The following SNX13 variants were observed in gnomAD, a reference collection of about 807,000 sequenced individuals.
SNX13 encodes the protein sorting nexin 13, also known as sorting nexin-13.
In SNX13, 45 loss-of-function variants were observed where a neutral mutation model predicts 133.6. The observed-to-expected ratio is 0.34, with a 90% CI of 0.27 to 0.43. The LOEUF (loss-of-function observed/expected upper bound fraction) is 0.43. Among genes scored for constraint, SNX13 ranks in the 20% least tolerant of loss-of-function variants. The pLI, the probability that SNX13 is intolerant of heterozygous loss-of-function variation, is 1.00. For synonymous variants in SNX13, 414 were observed against 373.9 expected, an observed-to-expected ratio of 1.11 and a Z score of -1.24; for missense variants, 1,032 against 1,145.1, an observed-to-expected ratio of 0.90 and a Z score of 1.43.
chr7:17,863,966 T>A (rs1046913712), intron 9 of SNX13, among the ~76,000 whole-genome samples: 1 of 152,214 alleles, frequency 6.6e-6, no homozygotes, highest in Non-Finnish European at 1.5e-5. Flanking sequence ...TTCCTGGGCT[T>A]AGGGATCCCA....
chr7:17,901,808 C>A (rs959581332), intron 1 of SNX13, among the ~76,000 whole-genome samples: 1 of 152,126 alleles, frequency 6.6e-6, no homozygotes, highest in Non-Finnish European at 1.5e-5. Flanking sequence ...TATGAAGGTG[C>A]TTTATATGTG....
chr7:17,836,914 C>T lies in SNX13; in HGVS notation c.1360-2049G>A, dbSNP rs183575312. 2.1e-3 allele frequency among the ~76,000 whole-genome samples: 322 copies of T among 152,032 alleles called. 1 individual carries two copies. The highest frequency in any genetic ancestry group is 7.3e-3 in the African/African-American group (302 of 41,502). On this transcript the variant is annotated intron_variant, in intron 13 of 25. Transcript: ENST00000428135. ...CAAAAATAAATAATGACTTTTCTAT[C>T]GAGTCCATGATGCAGTAGGATATTT...
chr7:17,812,571 G>A (rs1786174775), intron 20 of SNX13, among the ~76,000 whole-genome samples: 1 of 152,202 alleles, frequency 6.6e-6, no homozygotes, highest in African/African-American at 2.4e-5. Context: ...TTCAACCACT[G>A]TGGAAGACAG....
intron 17 of SNX13, among the ~76,000 whole-genome samples, chr7:17,823,804 T>G (rs773317505): frequency 3.9e-5 from 6 of 151,988 alleles, no homozygotes; most frequent in Non-Finnish European, 8.8e-5. Context: ...GTGTCCAAGA[T>G]AGGTTTGGGA....
At chr7:17,816,356 C>T in intron 18 of SNX13, 67 bp from the exon 19 acceptor site, 1 of 1,478,922 alleles carries the variant, frequency 6.8e-7, no homozygotes, top group Non-Finnish European at 9.0e-7. Context: ...GTGATTATTT[C>T]TCTACATATT....
intron 20 of SNX13, among the ~76,000 whole-genome samples, chr7:17,806,181 T>G (rs75391969): frequency 0.01 from 1,522 of 147,396 alleles, 31 homozygotes; most frequent in African/African-American, 0.037. Flanking sequence ...AACTTAAATT[T>G]AGATCTCTAA....
chr7:17,890,283 T>TC (rs1405594710), intron 5 of SNX13, 80 bp downstream of exon 5: 17 of 1,325,108 alleles, frequency 1.3e-5, no homozygotes, highest in Admixed American at 2.4e-5. Flanking sequence ...AAACAATTCC[T>TC]CCCCTTAAAA....
intron 9 of SNX13, among the ~76,000 whole-genome samples, chr7:17,861,340 TCTCA>T (rs1210410851): frequency 5.2e-4 from 46 of 89,188 alleles, no homozygotes; most frequent in South Asian, 3.5e-3. Flanking sequence ...CATACAGTTA[TCTCA>T]CACACACACA....
chr7:17,828,824 T>C (rs1464761270), intron 16 of SNX13, among the ~76,000 whole-genome samples: 2 of 151,538 alleles, frequency 1.3e-5, no homozygotes, highest in South Asian at 2.1e-4. Flanking sequence ...TTTTTACTAG[T>C]GTTTAAACAT....
chr7:17,809,282 C>CAAAAAAA (rs535077123), intron 20 of SNX13, among the ~76,000 whole-genome samples: 15 of 49,278 alleles, frequency 3.0e-4, no homozygotes, highest in Admixed American at 6.5e-4. Flanking sequence ...AGATGGAAAG[C>CAAAAAAA]AAAAAAAAAA....
chr7:17,892,665 A>T (rs1334639218), intron 3 of SNX13, among the ~76,000 whole-genome samples: 6 of 152,114 alleles, frequency 3.9e-5, no homozygotes, highest in Non-Finnish European at 7.4e-5. Context: ...ATTTACTTCT[A>T]CATCTCCTGC....
At chr7:17,806,994 C>G (rs1785376887) in intron 20 of SNX13, among the ~76,000 whole-genome samples, 5 of 152,202 alleles carry the variant, frequency 3.3e-5, no homozygotes, top group Admixed American at 3.3e-4. Flanking sequence ...GCCTCCGCCA[C>G]CACGGGCCTG....
In SNX13 at chr7:17,801,469, C is replaced by T. The variant is rs1360265034; in HGVS notation, c.2298+119G>A. 3 of 711,758 alleles carry T rather than the reference C, an allele frequency of 4.2e-6. No individual in the cohort carries two copies. The East Asian group carries it at 8.6e-5, about 20-fold the overall frequency. The allele number at this position is 711,758 out of a possible 1,614,324, so 44.1% of individuals were successfully genotyped here. A position where few individuals can be genotyped will look rare whatever the true frequency, so the allele number is the denominator to read the frequency against. On this transcript the variant is annotated intron_variant, in intron 22 of 25. Coordinates refer to ENST00000428135, the MANE Select transcript of SNX13 (RefSeq NM_015132.5). ...GCATGTTCAGTTTGTAAGAATTCAT[C>T]AAGCTTAACACTTATAATATGTGCA...
At chr7:17,881,670 C>T (rs1795369854) in intron 5 of SNX13, 1 of 152,038 alleles carries the variant, frequency 6.6e-6, no homozygotes, top group Non-Finnish European at 1.5e-5. Context: ...AATTCCTTCT[C>T]CTGAGTCTCT....
chr7:17,888,313 T>C (rs1796242428), intron 5 of SNX13: 1 of 168,528 alleles, frequency 5.9e-6, no homozygotes, highest in South Asian at 1.5e-4. Flanking sequence ...GAAAAAACCT[T>C]GCTTTTTCAC....
At chr7:17,801,548 T>C (rs2128286687) in intron 22 of SNX13, 40 bp downstream of exon 22, 2 of 1,488,492 alleles carry the variant, frequency 1.3e-6, no homozygotes, top group Non-Finnish European at 1.8e-6. Context: ...ATGCCAAGTA[T>C]GACTTAAACT....
At chr7:17,826,971 C>G (rs1787979681) in intron 16 of SNX13, among the ~76,000 whole-genome samples, 1 of 152,028 alleles carries the variant, frequency 6.6e-6, no homozygotes, top group Non-Finnish European at 1.5e-5. Context: ...TCAGCATTCT[C>G]TAATCAATAA....
rs1248103182 is a variant in SNX13, at chr7:17,831,169, T to C, written c.1598-1122A>G. 4.1e-6 allele frequency: 4 copies of C among 984,380 alleles called. No individual in the cohort carries two copies. The South Asian group carries it at 1.4e-4, about 35-fold the overall frequency. 61.0% of individuals were successfully genotyped at this position (984,380 alleles called of 1,614,324 possible). A position where few individuals can be genotyped will look rare whatever the true frequency, so the allele number is the denominator to read the frequency against. On this transcript the variant is annotated intron_variant, in intron 15 of 25. Coordinates refer to ENST00000428135, the MANE Select transcript of SNX13 (RefSeq NM_015132.5). ...GCAAAATAGGGCATAGTTTATTTTC[T>C]TGATCAACAATAAGAAGATCCAGAA...
At chr7:17,888,691 CTTTG>C (rs1796284392) in intron 5 of SNX13, 1 of 470,702 alleles carries the variant, frequency 2.1e-6, no homozygotes, top group Non-Finnish European at 4.4e-6. Flanking sequence ...TGAGCAGGGA[CTTTG>C]TTTTATTCAC....
Sources: allele counts gnomAD v4.1 joint callset (sites outside exome capture counted in the v4.1 genomes callset), GRCh38; gene constraint gnomAD v4.1.1; transcripts MANE v1.5; gene names NCBI Gene and HGNC (gene_info 2026-07-23, HGNC 2026-07-21).